RUNX3: variants seen among roughly 807,000 people sequenced by gnomAD.
RUNX3 encodes the protein runt-related transcription factor 3.
RUNX3 carries 10 observed loss-of-function variants against 27.7 expected under a neutral mutation model. The ratio of observed to expected loss-of-function variants is 0.36; its 90% CI spans 0.22 to 0.61. RUNX3 has a LOEUF of 0.61. Ranked by LOEUF, RUNX3 falls within the 20% of genes least tolerant of loss-of-function variation. The pLI is 0.72. For missense variants in RUNX3, 469 were observed against 629.5 expected, an observed-to-expected ratio of 0.75 and a Z score of 2.73; for synonymous variants, 270 against 269.2, an observed-to-expected ratio of 1.00 and a Z score of -0.03.
chr1:24,912,441 C>A (rs954545397), intron 3 of RUNX3, among the ~76,000 whole-genome samples: 2 of 152,166 alleles, frequency 1.3e-5, no homozygotes. Flanking sequence ...CCTCTGCCAG[C>A]AATGCTTTCT....
Position 24,907,363 on chromosome 1 carries a change from T to C in RUNX3, c.599A>G (p.Asp200Gly). 6.2e-7 allele frequency: 1 copy of C among 1,613,780 alleles called. No homozygotes were observed. The highest frequency in any genetic ancestry group is 1.1e-5 in the South Asian group (1 of 91,056). The change falls in exon 4 of 5, where the codon GAC becomes GGC. Residue 200 changes from aspartate (D) to glycine (G), a missense_variant. Physicochemically the swap from Asp to Gly is moderately conservative, Grantham distance 94 (BLOSUM62 -1). Around this residue, in one of 3 missense-constraint regions of RUNX3, gnomAD observed 279 missense variants for 343.0 expected, o/e 0.81. Coordinates refer to ENST00000308873, the MANE Select transcript of RUNX3 (RefSeq NM_004350.3). ...CACCCGCATGCGCAGCCGTTCCAGG[T>C]CCCCAAAGCGGTCAGGGAACGGCTT... is the stretch of plus-strand genomic sequence containing the variant. Reference protein sequence around the residue: ...QTKPFPDRFGDLERLRMRVTP... With the variant: ...QTKPFPDRFGGLERLRMRVTP...
At chr1:24,958,203 C>T (rs1003341667) in intron 2 of RUNX3, among the ~76,000 whole-genome samples, 1 of 152,216 alleles carries the variant, frequency 6.6e-6, no homozygotes, top group Non-Finnish European at 1.5e-5. Flanking sequence ...TCCCAACCAC[C>T]CTTTGAGGTC....
chr1:24,958,874 G>A (rs552425832), intron 2 of RUNX3, among the ~76,000 whole-genome samples: 2 of 152,174 alleles, frequency 1.3e-5, no homozygotes, highest in African/African-American at 2.4e-5. Flanking sequence ...CCCCAACTAC[G>A]GGGGGTGGGG....
rs556306088 is a variant in RUNX3, at chr1:24,911,108, G to T, written c.545-3691C>A. Among the ~76,000 whole-genome samples the T allele has an allele frequency of 7.2e-5, 11 of 152,332 alleles. 1 individual carries two copies. The East Asian group carries it at 2.1e-3, about 29-fold the overall frequency. On this transcript the variant is annotated intron_variant, in intron 3 of 4. Transcript: ENST00000308873. Reference sequence around the variant, plus strand: ...CTCCTGAGGCCACTGGAAATGGCAGGGAGATGTGGATGAGCTGGGGGACAA... The same window carrying T: ...CTCCTGAGGCCACTGGAAATGGCAGTGAGATGTGGATGAGCTGGGGGACAA...
intron 2 of RUNX3, among the ~76,000 whole-genome samples, chr1:24,937,586 C>T (rs1463451008): frequency 6.6e-6 from 1 of 152,248 alleles, no homozygotes; most frequent in African/African-American, 2.4e-5. Flanking sequence ...TAGACTTGAA[C>T]TCAGGTCTCC....
At chr1:24,938,557 G>A (rs1442546401) in intron 2 of RUNX3, among the ~76,000 whole-genome samples, 1 of 152,144 alleles carries the variant, frequency 6.6e-6, no homozygotes, top group African/African-American at 2.4e-5. Flanking sequence ...CACCCTCAGT[G>A]TCCAGGCCTG....
intron 2 of RUNX3, among the ~76,000 whole-genome samples, chr1:24,942,503 CAG>C (rs1261270441): frequency 6.6e-6 from 1 of 152,036 alleles, no homozygotes; most frequent in Non-Finnish European, 1.5e-5. Context: ...ATACTTTAGA[CAG>C]GGTGGTCAGG....
rs957379200 is a variant in RUNX3, at chr1:24,919,544, C to T, written c.440-200G>A. 19 of 481,534 alleles carry T rather than the reference C, an allele frequency of 3.9e-5. No homozygotes were observed. In the Admixed American group the frequency reaches 4.8e-4, roughly 12 times the overall value. The allele number at this position is 481,534 out of a possible 1,614,324, so 29.8% of individuals were successfully genotyped here. On this transcript the variant is annotated intron_variant, in intron 2 of 4. Coordinates refer to ENST00000308873, the MANE Select transcript of RUNX3 (RefSeq NM_004350.3). ...GCATTCAAGGCCCCTGGGGGTCTGACGCCAACTTTGTCAACCCCCCGCCCC... is the reference window on the plus strand; with the variant it reads ...GCATTCAAGGCCCCTGGGGGTCTGATGCCAACTTTGTCAACCCCCCGCCCC...
Position 24,930,065 on chromosome 1 carries a change from C to T in RUNX3, c.-197G>A. The T allele has an allele frequency of 1.0e-6, 1 of 980,310 alleles. No individual in the cohort carries two copies. The highest frequency in any genetic ancestry group is 1.2e-6 in the Non-Finnish European group (1 of 827,954). The allele number at this position is 980,310 out of a possible 1,614,324, so 60.7% of individuals were successfully genotyped here. On this transcript the variant is annotated 5_prime_UTR_variant, in exon 1 of 5. Transcript: ENST00000308873. This position sits in a 1 kb window ranked among gnomAD's most constrained non-coding sequence, Gnocchi z 4.1. ...CGCCCGCTGCGAGGCCTCGCTGGCC[C>T]GACGGCCGCCCGCAGCCTGCCCGGC...
At position 24,945,080 on chromosome 1, in the gene RUNX3, G is replaced by A. The variant is rs145919197; in HGVS notation, c.59-15228C>T. 2.2e-3 allele frequency among the ~76,000 whole-genome samples: 341 copies of A among 152,286 alleles called. 3 individuals are homozygous for A. Among genetic ancestry groups the A allele is most frequent in the African/African-American group, 7.8e-3 (325 of 41,548 alleles). On this transcript the variant is annotated intron_variant, in intron 2 of 6. Transcript: ENST00000338888. Reference sequence around the variant, plus strand: ...TCTCACAGAAGGTCAGCTGCAGGAGGGCAGGGATTTTTTGCTTGCTTGGTG... The same window carrying A: ...TCTCACAGAAGGTCAGCTGCAGGAGAGCAGGGATTTTTTGCTTGCTTGGTG...
intron 3 of RUNX3, among the ~76,000 whole-genome samples, chr1:24,914,541 G>C (rs559567739): frequency 6.6e-6 from 1 of 152,200 alleles, no homozygotes; most frequent in African/African-American, 2.4e-5. Context: ...GGCTGGCCGG[G>C]GGCCAGCGGG....
At chr1:24,960,644 G>C (rs921233711) in intron 2 of RUNX3, among the ~76,000 whole-genome samples, 2 of 152,180 alleles carry the variant, frequency 1.3e-5, no homozygotes, top group Non-Finnish European at 1.5e-5. Context: ...TACAAGTGAG[G>C]GTTCAGCAAA....
Position 24,927,487 on chromosome 1 carries a change from G to T in RUNX3, c.439+87C>A. 1 of 1,330,230 alleles carries T rather than the reference G, an allele frequency of 7.5e-7. No homozygotes were observed. Among genetic ancestry groups the T allele is most frequent in the Non-Finnish European group, 1.1e-6 (1 of 934,808 alleles). The allele number at this position is 1,330,230 out of a possible 1,614,324, so 82.4% of individuals were successfully genotyped here. ...AGCTGCATCTGGAGACCTGTTTTTC[G>T]GGATTCTAAGGCCCCTCTTTCAACC... On this transcript the variant is annotated intron_variant, in intron 2 of 4. Coordinates refer to ENST00000308873, the MANE Select transcript of RUNX3 (RefSeq NM_004350.3). The surrounding 1 kb of genome is among the most constrained non-coding windows in gnomAD (Gnocchi z 5.0).
chr1:24,921,711 T>TGAGC (rs900276770), intron 2 of RUNX3, among the ~76,000 whole-genome samples: 4 of 152,184 alleles, frequency 2.6e-5, no homozygotes, highest in African/African-American at 9.6e-5. Flanking sequence ...CTGGGGTCCC[T>TGAGC]GAGCCTCTGA....
intron 3 of RUNX3, among the ~76,000 whole-genome samples, chr1:24,908,266 G>A (rs190091186): frequency 6.0e-5 from 9 of 150,196 alleles, no homozygotes; most frequent in Admixed American, 3.3e-4. Context: ...TACGACACGC[G>A]GTGATCCAAA....
Position 24,901,818 on chromosome 1 carries a change from A to G in RUNX3, c.*304T>C, listed in dbSNP as rs1571296729. The G allele has an allele frequency of 5.0e-6, 2 of 398,130 alleles. No homozygotes were observed. The highest frequency in any genetic ancestry group is 8.3e-5 in the East Asian group (2 of 24,062). 24.7% of individuals were successfully genotyped at this position (398,130 alleles called of 1,614,324 possible). A position where few individuals can be genotyped will look rare whatever the true frequency, so the allele number is the denominator to read the frequency against. Reference sequence around the variant, plus strand: ...CATGCAGCACTGGGCATAGCTGGAGACAGTGAGGTCCTTCCGGGGGGGTGG... The same window carrying G: ...CATGCAGCACTGGGCATAGCTGGAGGCAGTGAGGTCCTTCCGGGGGGGTGG... On this transcript the variant is annotated 3_prime_UTR_variant, in exon 5 of 5. Coordinates refer to ENST00000308873, the MANE Select transcript of RUNX3 (RefSeq NM_004350.3).
chr1:24,935,660 G>C (rs940145865), intron 2 of RUNX3, among the ~76,000 whole-genome samples: 1 of 152,214 alleles, frequency 6.6e-6, no homozygotes, highest in African/African-American at 2.4e-5. Flanking sequence ...CCTGCTACTC[G>C]CTCTTGTCAT....
chr1:24,964,763 G>A, intron 1 of RUNX3: 1 of 1,393,128 alleles, frequency 7.2e-7, no homozygotes, highest in Non-Finnish European at 9.4e-7. Flanking sequence ...AAAGAAAAAA[G>A]GAAAGAACGC....
intron 2 of RUNX3, among the ~76,000 whole-genome samples, chr1:24,948,441 T>C (rs1056257027): frequency 3.7e-4 from 56 of 152,124 alleles, no homozygotes; most frequent in African/African-American, 1.3e-3. Context: ...GTTGCTGAGC[T>C]GGGACAGCCT....
Sources: allele counts gnomAD v4.1 joint callset (sites outside exome capture counted in the v4.1 genomes callset), GRCh38; gene constraint gnomAD v4.1.1; regional missense constraint gnomAD v4.1.1; non-coding constraint Gnocchi (gnomAD v3.1); transcripts MANE v1.5; gene names NCBI Gene and HGNC (gene_info 2026-07-23, HGNC 2026-07-21).